Variants in C2CD2 observed in about 807,000 individuals in gnomAD.
C2CD2 encodes C2 domain-containing protein 2.
In C2CD2, 43 loss-of-function variants were observed where a neutral mutation model predicts 74.3. The observed-to-expected ratio is 0.58, with a 90% confidence interval of 0.45 to 0.75. The LOEUF (loss-of-function observed/expected upper bound fraction) is 0.75, where lower values mean the gene tolerates loss of function less well. Among genes scored for constraint, C2CD2 ranks in the 30% least tolerant of loss-of-function variants. The pLI is 0.00. For synonymous variants in C2CD2, 422 were observed against 390.7 expected (o/e 1.08, Z -0.94); for missense variants, 801 against 916.3 (o/e 0.87, Z 1.63).
intron 2 of C2CD2, among the ~76,000 whole-genome samples, chr21:41,928,979 T>TA (rs35058657): frequency 0.27 from 40,567 of 151,458 alleles, 6,314 homozygotes; most frequent in Non-Finnish European, 0.34. Context: ...ATAAAAGTGA[T>TA]AATATCATAC....
chr21:41,901,459 C>A, intron 12 of C2CD2, 163 bp downstream of exon 12: 1 of 746,304 alleles, frequency 1.3e-6, no homozygotes, highest in East Asian at 2.7e-5. Context: ...AACACAACAC[C>A]ACACATGACT....
In C2CD2 at chr21:41,914,713, C is replaced by T; in HGVS notation, c.729G>A (p.Gln243=). Residue 243 remains glutamine (Q), a synonymous_variant, in exon 6 of 14, where the codon CAG becomes CAA. Transcript: ENST00000380486. ...PTTVKEAQNL[Q]CAASTAQESC... The stretch of plus-strand genomic sequence containing the variant: ...ATTCCTGAGCAGTAGATGCAGCACA[C>T]TGTAAGTTCTGAAAAAATAAAGAGC... 6.2e-7 allele frequency: 1 copy of T among 1,611,842 alleles called. No individual in the cohort carries two copies. Among genetic ancestry groups the T allele is most frequent in the Non-Finnish European group, 8.5e-7 (1 of 1,179,000 alleles).
rs991538953 is a variant in C2CD2, at chr21:41,885,940, A to G, written c.*3184T>C. The G allele has an allele frequency of 6.6e-6, 1 of 152,530 alleles. No individual in the cohort carries two copies. The highest frequency in any genetic ancestry group is 6.5e-5 in the Admixed American group (1 of 15,282). The allele number at this position is 152,530 out of a possible 1,614,324, so 9.4% of individuals were successfully genotyped here. A position where few individuals can be genotyped will look rare whatever the true frequency, so the allele number is the denominator to read the frequency against. ...TTGACGAAAATAAAGTGCTCTGTCA[A>G]AACTCTCACAGCAGGTTTTCAGCTG... On this transcript the variant is annotated 3_prime_UTR_variant, in exon 14 of 14. Coordinates refer to ENST00000380486, the MANE Select transcript of C2CD2 (RefSeq NM_015500.2).
intron 7 of C2CD2, among the ~76,000 whole-genome samples, chr21:41,909,939 C>T (rs76825594): frequency 0.045 from 6,806 of 151,388 alleles, 290 homozygotes; most frequent in East Asian, 0.2. Flanking sequence ...AGACAAAATA[C>T]GGAACATGAT....
intron 5 of C2CD2, among the ~76,000 whole-genome samples, chr21:41,916,168 T>C (rs1351841843): frequency 6.6e-6 from 1 of 152,208 alleles, no homozygotes; most frequent in Non-Finnish European, 1.5e-5. Context: ...CAGAGCAATC[T>C]ACTTGTCTGG....
intron 2 of C2CD2, among the ~76,000 whole-genome samples, chr21:41,928,429 C>A (rs1399007265): frequency 2.6e-5 from 4 of 151,930 alleles, no homozygotes; most frequent in Admixed American, 6.6e-5. Context: ...TGAGGAACCT[C>A]CACCACCCGC....
At chr21:41,944,591 C>G (rs2065383995) in intron 1 of C2CD2, among the ~76,000 whole-genome samples, 1 of 149,668 alleles carries the variant, frequency 6.7e-6, no homozygotes, top group Admixed American at 6.7e-5. Flanking sequence ...GATGGTCTCA[C>G]AAAGAAAATA....
chr21:41,914,621 A>G lies in C2CD2; in HGVS notation c.821T>C (p.Leu274Pro), dbSNP rs1304335397. 1 of 1,613,906 alleles carries G rather than the reference A, an allele frequency of 6.2e-7. No individual in the cohort carries two copies. The highest frequency in any genetic ancestry group is 1.7e-5 in the Admixed American group (1 of 59,996). Residue 274 changes from leucine to proline, a missense_variant, in exon 6 of 14, where the codon CTG (leucine) becomes CCG (proline). By Grantham distance (98) the Leu-to-Pro change is moderately conservative (BLOSUM62 -3). Coordinates refer to ENST00000380486, the MANE Select transcript of C2CD2 (RefSeq NM_015500.2). ...ACCTGAGGCACCGGGCTCGCTGAGC[A>G]GCAAGACGTGGATGTTCCTCACCAG... is the stretch of plus-strand genomic sequence containing the variant. The part of the protein sequence containing the change: ...KLLVRNIHVL[L>P]LSEPGASGHI...
intron 6 of C2CD2, among the ~76,000 whole-genome samples, chr21:41,913,885 C>G (rs1205040471): frequency 1.3e-5 from 2 of 152,180 alleles, no homozygotes; most frequent in Admixed American, 6.5e-5. Context: ...CATGGTCTCC[C>G]AGCATCGGAG....
In C2CD2 at chr21:41,889,020, A is replaced by G; in HGVS notation, c.*104T>C. 1 of 824,062 alleles carries G rather than the reference A, an allele frequency of 1.2e-6. No homozygotes were observed. 51.0% of individuals were successfully genotyped at this position (824,062 alleles called of 1,614,324 possible). Reference sequence around the variant, plus strand: ...AGATGGTTGGAAGAAACCCAGCAAGACAAGCGGGGCATCTGGACATCCGGC... The same window carrying G: ...AGATGGTTGGAAGAAACCCAGCAAGGCAAGCGGGGCATCTGGACATCCGGC... On this transcript the variant is annotated 3_prime_UTR_variant, in exon 14 of 14. Coordinates refer to ENST00000380486, the MANE Select transcript of C2CD2 (RefSeq NM_015500.2).
rs1309337959 is a variant in C2CD2, at chr21:41,923,430, G to T, written c.379-1345C>A. On this transcript the variant is annotated intron_variant, in intron 2 of 13. Coordinates refer to ENST00000380486, the MANE Select transcript of C2CD2 (RefSeq NM_015500.2). This position sits in a 1 kb window ranked among gnomAD's most constrained non-coding sequence, Gnocchi z 5.8. ...TTTTGCTAAAAATGAGTCTTAAAGA[G>T]AAAGTAAGTTATAGATGTTAGAAGT... Among the ~76,000 whole-genome samples the T allele has an allele frequency of 2.6e-5, 4 of 152,156 alleles. No individual in the cohort carries two copies. The highest frequency in any genetic ancestry group is 9.7e-5 in the African/African-American group (4 of 41,436).
rs906447552 is a variant in C2CD2, at chr21:41,918,738, C to G, written c.597+118G>C. 5.2e-6 allele frequency: 4 copies of G among 774,082 alleles called. No homozygotes were observed. In the African/African-American group the frequency reaches 6.8e-5, roughly 13 times the overall value. 48.0% of individuals were successfully genotyped at this position (774,082 alleles called of 1,614,324 possible). ...CCCAAGCCAGCCCCAGGAGGAGTGG[C>G]TGGGACAGGGAAGGAGGCCAGCAAC... On this transcript the variant is annotated intron_variant, in intron 4 of 13. Coordinates refer to ENST00000380486, the MANE Select transcript of C2CD2 (RefSeq NM_015500.2).
chr21:41,893,728 G>T (rs1349386277), intron 13 of C2CD2, among the ~76,000 whole-genome samples: 5 of 143,438 alleles, frequency 3.5e-5, no homozygotes, highest in African/African-American at 1.3e-4. Flanking sequence ...TTGAGACGGA[G>T]TCTCGCTCTG....
At chr21:41,908,204 G>A (rs964381551) in intron 8 of C2CD2, 6 of 230,138 alleles carry the variant, frequency 2.6e-5, no homozygotes, top group Admixed American at 6.2e-5. Flanking sequence ...CTAAAGAATT[G>A]AGGATAAAGG....
chr21:41,954,010 G>C lies in C2CD2; in HGVS notation c.-362C>G, dbSNP rs997468738. 1 of 147,174 alleles carries C rather than the reference G, an allele frequency of 6.8e-6. No homozygotes were observed. The highest frequency in any genetic ancestry group is 1.5e-5 in the Non-Finnish European group (1 of 66,096). 9.1% of individuals were successfully genotyped at this position (147,174 alleles called of 1,614,324 possible). A position where few individuals can be genotyped will look rare whatever the true frequency, so the allele number is the denominator to read the frequency against. On this transcript the variant is annotated 5_prime_UTR_variant, in exon 1 of 14. Transcript: ENST00000380486. ...CGCCCGCGGCCCAGCGGTGGCCGGA[G>C]GAGGCTCTGGCCGCGGGGCGGGGCG...
At chr21:41,921,172 G>A (rs895543756) in intron 3 of C2CD2, among the ~76,000 whole-genome samples, 13 of 152,178 alleles carry the variant, frequency 8.5e-5, no homozygotes, top group Non-Finnish European at 1.6e-4. Context: ...CTTGTGATTG[G>A]GAATTCTGCA....
At position 41,953,807 on chromosome 21, in the gene C2CD2, G is replaced by A. The variant is rs2065471258; in HGVS notation, c.-159C>T. 5.3e-6 allele frequency: 3 copies of A among 569,404 alleles called. No individual in the cohort carries two copies. The South Asian group carries it at 2.7e-4, about 50-fold the overall frequency. The allele number at this position is 569,404 out of a possible 1,614,324, so 35.3% of individuals were successfully genotyped here. On this transcript the variant is annotated 5_prime_UTR_variant, in exon 1 of 14. Transcript: ENST00000380486. ...GAGGAGCGTGGCCGGGGGCCTCTGG[G>A]CGGGCAAGCGGGGAGGAAACGCGCG...
chr21:41,899,312 G>A lies in C2CD2; in HGVS notation c.1611C>T (p.Ala537=). The stretch of plus-strand genomic sequence containing the variant: ...CCTCCTGGTGGGTGCTGTCCACAGA[G>A]GCCGTGTAGCCCTGCATCAGGGCAG... ...HDAALMQGYT[A]SVDSTHQEDA... The change falls in exon 13 of 14, where the codon GCC becomes GCT. Residue 537 remains alanine (A), a synonymous_variant. Transcript: ENST00000380486. The surrounding 1 kb of genome is among the most constrained non-coding windows in gnomAD (Gnocchi z 4.4). 2 of 1,610,474 alleles carry A rather than the reference G, an allele frequency of 1.2e-6. No homozygotes were observed. The highest frequency in any genetic ancestry group is 1.7e-6 in the Non-Finnish European group (2 of 1,179,998).
chr21:41,925,336 T>C (rs79627044), intron 2 of C2CD2, among the ~76,000 whole-genome samples: 1 of 144,038 alleles, frequency 6.9e-6, no homozygotes, highest in African/African-American at 2.5e-5. Context: ...AAAAAAAAAT[T>C]AGCCAAGCAT....
Sources: allele counts gnomAD v4.1 joint callset (sites outside exome capture counted in the v4.1 genomes callset), GRCh38; gene constraint gnomAD v4.1.1; non-coding constraint Gnocchi (gnomAD v3.1); transcripts MANE v1.5; gene names NCBI Gene and HGNC (gene_info 2026-07-23, HGNC 2026-07-21).